Variants in KANSL1L observed in about 807,000 individuals in gnomAD.
KANSL1L encodes the protein KAT8 regulatory NSL complex subunit 1-like protein.
In KANSL1L, 25 loss-of-function variants were observed where a neutral mutation model predicts 108.6. The observed-to-expected ratio is 0.23, with a 90% CI of 0.17 to 0.32. The LOEUF is 0.32. KANSL1L is among the 10% of genes least tolerant of loss of function. KANSL1L has a pLI of 1.00. For missense variants in KANSL1L, 1,137 were observed against 1,125.7 expected (o/e 1.01, Z -0.14); for synonymous variants, 405 against 395.1 (o/e 1.03, Z -0.30).
At chr2:210,124,036 T>C (rs1012561486) in intron 3 of KANSL1L, among the ~76,000 whole-genome samples, 2 of 151,922 alleles carry the variant, frequency 1.3e-5, no homozygotes, top group African/African-American at 4.8e-5. Context: ...CAAAGAAAAA[T>C]CAATAATTCT....
intron 8 of KANSL1L, 88 bp from the exon 9 acceptor site, chr2:210,031,634 AT>A (rs1381748187): frequency 2.6e-6 from 2 of 781,220 alleles, no homozygotes; most frequent in Non-Finnish European, 3.8e-6. Flanking sequence ...TAACTGCAGA[AT>A]TTTAAGATAC....
rs759846446 is a variant in KANSL1L, at chr2:210,040,538, A to G, written c.1922-11T>C. On this transcript the variant is annotated splice_polypyrimidine_tract_variant and intron_variant, in intron 7 of 14. Transcript: ENST00000281772. ...AATGAAGAGGCACATCTGGAAAAAT[A>G]AAATAAAAAAGGTATTTTCAAATAC... 8 of 1,304,304 alleles carry G rather than the reference A, an allele frequency of 6.1e-6. No individual in the cohort carries two copies. The highest frequency in any genetic ancestry group is 8.5e-6 in the Non-Finnish European group (8 of 937,832). 80.8% of individuals were successfully genotyped at this position (1,304,304 alleles called of 1,614,324 possible).
chr2:210,101,110 A>G (rs975952310), intron 4 of KANSL1L, among the ~76,000 whole-genome samples: 5 of 152,234 alleles, frequency 3.3e-5, no homozygotes, highest in African/African-American at 1.2e-4. Flanking sequence ...TAGAGCCATT[A>G]CTGCTCTCAC....
At chr2:210,088,008 A>G (rs1347297735) in intron 5 of KANSL1L, among the ~76,000 whole-genome samples, 1 of 152,220 alleles carries the variant, frequency 6.6e-6, no homozygotes, top group Non-Finnish European at 1.5e-5. Context: ...TTATATCACA[A>G]AGATAGAAAT....
chr2:210,152,948 T>A (rs1388893278), intron 2 of KANSL1L: 1 of 152,270 alleles, frequency 6.6e-6, no homozygotes, highest in Non-Finnish European at 1.5e-5. Flanking sequence ...CTGTATGGGT[T>A]TTTCCTAGAT....
intron 1 of KANSL1L, among the ~76,000 whole-genome samples, chr2:210,166,584 ACATATATTC>A (rs940849387): frequency 7.9e-5 from 12 of 152,260 alleles, no homozygotes; most frequent in African/African-American, 2.9e-4. Context: ...TAGAATGCAT[ACATATATTC>A]CATATATGCC....
At chr2:210,138,236 G>C (rs1252397371) in intron 2 of KANSL1L, among the ~76,000 whole-genome samples, 1 of 151,776 alleles carries the variant, frequency 6.6e-6, no homozygotes, top group African/African-American at 2.4e-5. Context: ...AATACTGCAT[G>C]TTCTCACTTA....
chr2:210,160,985 A>ATTTT (rs753694386), intron 1 of KANSL1L, among the ~76,000 whole-genome samples: 7 of 133,416 alleles, frequency 5.2e-5, no homozygotes, highest in Non-Finnish European at 8.0e-5. Flanking sequence ...CATACGGCCA[A>ATTTT]TTTTTTTTTT....
intron 3 of KANSL1L, among the ~76,000 whole-genome samples, chr2:210,110,182 C>A (rs921236057): frequency 6.6e-6 from 1 of 152,184 alleles, no homozygotes; most frequent in African/African-American, 2.4e-5. Context: ...TCTTTCTCTG[C>A]TTCCTTGTGG....
chr2:210,156,623 G>A (rs906384216), intron 1 of KANSL1L, among the ~76,000 whole-genome samples: 11 of 151,938 alleles, frequency 7.2e-5, no homozygotes, highest in South Asian at 4.2e-4. Context: ...CCATATATAC[G>A]TATACATTTG....
At chr2:210,151,710 G>A (rs1162229235) in intron 2 of KANSL1L, 1 of 152,104 alleles carries the variant, frequency 6.6e-6, no homozygotes, top group Non-Finnish European at 1.5e-5. Context: ...GTTGTTGAAA[G>A]AATTAAATGA....
chr2:210,151,149 G>A (rs1366371334), intron 2 of KANSL1L, among the ~76,000 whole-genome samples: 2 of 152,018 alleles, frequency 1.3e-5, no homozygotes, highest in Non-Finnish European at 2.9e-5. Flanking sequence ...CCAGGTAGCT[G>A]GGACTACAGG....
chr2:210,085,800 G>C (rs1349655083), intron 5 of KANSL1L, among the ~76,000 whole-genome samples: 4 of 150,924 alleles, frequency 2.7e-5, no homozygotes, highest in African/African-American at 4.9e-5. Flanking sequence ...CATGATATTA[G>C]ATCTAGTGGT....
At chr2:210,139,903 G>A (rs1017275287) in intron 2 of KANSL1L, among the ~76,000 whole-genome samples, 2 of 151,814 alleles carry the variant, frequency 1.3e-5, no homozygotes, top group African/African-American at 2.4e-5. Flanking sequence ...CACCATGCCT[G>A]GCTAACTTTT....
chr2:210,051,842 T>C (rs1361935061), intron 6 of KANSL1L, among the ~76,000 whole-genome samples: 1 of 152,144 alleles, frequency 6.6e-6, no homozygotes, highest in African/African-American at 2.4e-5. Context: ...GTGGGCCTTA[T>C]CAAACTGAAG....
chr2:210,157,360 T>C (rs139817627), intron 1 of KANSL1L, among the ~76,000 whole-genome samples: 1 of 152,212 alleles, frequency 6.6e-6, no homozygotes, highest in African/African-American at 2.4e-5. Context: ...GGAAAATTCA[T>C]CTTAGTCTCT....
intron 3 of KANSL1L, among the ~76,000 whole-genome samples, chr2:210,112,169 T>C (rs1032250000): frequency 2.0e-5 from 3 of 152,192 alleles, no homozygotes; most frequent in Admixed American, 1.3e-4. Flanking sequence ...GTCTTTGCTA[T>C]TGTGAATAGT....
chr2:210,125,141 C>G (rs1030990814), intron 3 of KANSL1L, among the ~76,000 whole-genome samples: 21 of 152,100 alleles, frequency 1.4e-4, no homozygotes, highest in Non-Finnish European at 3.1e-4. Context: ...GTAATCCCAG[C>G]TACTCAGGGG....
intron 5 of KANSL1L, among the ~76,000 whole-genome samples, chr2:210,078,585 G>A (rs1219978302): frequency 3.9e-5 from 6 of 152,138 alleles, no homozygotes; most frequent in Non-Finnish European, 8.8e-5. Flanking sequence ...CAAAGCTAAT[G>A]TAGTACAAAA....
Sources: allele counts gnomAD v4.1 joint callset (sites outside exome capture counted in the v4.1 genomes callset), GRCh38; gene constraint gnomAD v4.1.1; transcripts MANE v1.5; gene names NCBI Gene and HGNC (gene_info 2026-07-23, HGNC 2026-07-21).